The following CNTNAP2 variants were observed in gnomAD, a reference collection of about 807,000 sequenced individuals.
CNTNAP2 encodes the protein contactin-associated protein-like 2.
CNTNAP2 carries 98 observed loss-of-function variants against 155.2 expected under a neutral mutation model. The ratio of observed to expected loss-of-function variants is 0.63; its 90% CI spans 0.54 to 0.75. CNTNAP2 has a LOEUF of 0.75. CNTNAP2 is among the 30% of genes least tolerant of loss of function. CNTNAP2 has a pLI of 0.00. For synonymous variants in CNTNAP2, 651 were observed against 631.2 expected, an observed-to-expected ratio of 1.03 and a Z score of -0.47; for missense variants, 1,727 against 1,688.1, an observed-to-expected ratio of 1.02 and a Z score of -0.40.
At chr7:146,169,118 G>T (rs541359601) in intron 1 of CNTNAP2, among the ~76,000 whole-genome samples, 2 of 152,030 alleles carry the variant, frequency 1.3e-5, no homozygotes, top group African/African-American at 4.8e-5. Context: ...CACTTTCTAC[G>T]CTCTGTTCAA....
Position 147,618,165 on chromosome 7 carries a change from C to T in CNTNAP2, c.1898-20941C>T, listed in dbSNP as rs184706834. ...TTTATTAAGCAAGCCAAGGCTTATA[C>T]GCAATATAAAAGATCTTAAGAATAT... is the stretch of plus-strand genomic sequence containing the variant. On this transcript the variant is annotated intron_variant, in intron 12 of 23. Coordinates refer to ENST00000361727, the MANE Select transcript of CNTNAP2 (RefSeq NM_014141.6). Among the ~76,000 whole-genome samples the T allele has an allele frequency of 3.3e-3, 502 of 152,176 alleles. 3 individuals carry two copies. Among genetic ancestry groups the T allele is most frequent in the African/African-American group, 0.011 (466 of 41,524 alleles).
intron 3 of CNTNAP2, among the ~76,000 whole-genome samples, chr7:147,034,605 G>T (rs909527183): frequency 1.3e-5 from 2 of 152,104 alleles, no homozygotes; most frequent in Non-Finnish European, 2.9e-5. Flanking sequence ...TTCTTGCCTT[G>T]GTGTATCAGA....
chr7:147,176,106 T>C (rs1423244968), intron 8 of CNTNAP2, among the ~76,000 whole-genome samples: 4 of 152,200 alleles, frequency 2.6e-5, no homozygotes, highest in Non-Finnish European at 2.9e-5. Flanking sequence ...TGGCTAGACC[T>C]GAAAGGAGCC....
chr7:148,316,049 T>C (rs141996328), intron 21 of CNTNAP2, among the ~76,000 whole-genome samples: 1 of 152,024 alleles, frequency 6.6e-6, no homozygotes, highest in Non-Finnish European at 1.5e-5. Context: ...GAATATTCAT[T>C]GTTAGGGAAG....
At chr7:146,661,374 G>T (rs1311645108) in intron 1 of CNTNAP2, among the ~76,000 whole-genome samples, 1 of 151,778 alleles carries the variant, frequency 6.6e-6, no homozygotes, top group African/African-American at 2.4e-5. Context: ...TTTGGCAAAG[G>T]TATGCAGTCA....
chr7:146,815,541 CAT>C (rs1346538553), intron 2 of CNTNAP2, among the ~76,000 whole-genome samples: 1 of 152,020 alleles, frequency 6.6e-6, no homozygotes, highest in Non-Finnish European at 1.5e-5. Flanking sequence ...TTCATAGACA[CAT>C]ACACATATGT....
At chr7:147,471,525 G>A (rs1798215137) in intron 10 of CNTNAP2, among the ~76,000 whole-genome samples, 1 of 152,232 alleles carries the variant, frequency 6.6e-6, no homozygotes. Context: ...CATGTTCTTA[G>A]CAGATGTATG....
chr7:146,984,333 A>G (rs1295962799), intron 3 of CNTNAP2, among the ~76,000 whole-genome samples: 1 of 149,672 alleles, frequency 6.7e-6, no homozygotes, highest in Non-Finnish European at 1.5e-5. Flanking sequence ...TGCCACTGCA[A>G]TCCAGCCTGG....
chr7:148,075,802 A>T (rs1446786261), intron 15 of CNTNAP2, among the ~76,000 whole-genome samples: 2 of 152,218 alleles, frequency 1.3e-5, no homozygotes, highest in African/African-American at 4.8e-5. Context: ...TGATTTTATG[A>T]CCTGGCTATA....
At chr7:146,691,707 G>A (rs1434807752) in intron 1 of CNTNAP2, among the ~76,000 whole-genome samples, 1 of 151,970 alleles carries the variant, frequency 6.6e-6, no homozygotes, top group Non-Finnish European at 1.5e-5. Context: ...TTAGAGCCAG[G>A]TTCGTAATTC....
chr7:146,317,943 A>C (rs780490611), intron 1 of CNTNAP2, among the ~76,000 whole-genome samples: 5 of 152,124 alleles, frequency 3.3e-5, no homozygotes, highest in Non-Finnish European at 7.4e-5. Flanking sequence ...AGATCGAGAC[A>C]ATCCTGGCTA....
At chr7:147,040,010 A>G (rs1799227986) in intron 3 of CNTNAP2, among the ~76,000 whole-genome samples, 1 of 152,214 alleles carries the variant, frequency 6.6e-6, no homozygotes, top group Non-Finnish European at 1.5e-5. Flanking sequence ...TCAACAGAGT[A>G]TAACAGACAA....
chr7:147,542,578 A>G (rs564226080), intron 11 of CNTNAP2, among the ~76,000 whole-genome samples: 89 of 152,314 alleles, frequency 5.8e-4, no homozygotes, highest in African/African-American at 2.0e-3. Flanking sequence ...ACATAGTCAT[A>G]TGCTTATGTT....
chr7:146,532,350 G>A (rs1164905811), intron 1 of CNTNAP2, among the ~76,000 whole-genome samples: 1 of 152,128 alleles, frequency 6.6e-6, no homozygotes, highest in African/African-American at 2.4e-5. Flanking sequence ...AAAGTGTGTT[G>A]ATGGGGGATG....
chr7:147,206,494 C>T (rs1803026581), intron 8 of CNTNAP2, among the ~76,000 whole-genome samples: 1 of 151,968 alleles, frequency 6.6e-6, no homozygotes, highest in Non-Finnish European at 1.5e-5. Flanking sequence ...ACCTGGGCAG[C>T]GGAGGTTGCA....
At chr7:147,396,659 G>T (rs1276541787) in intron 10 of CNTNAP2, among the ~76,000 whole-genome samples, 2 of 151,852 alleles carry the variant, frequency 1.3e-5, no homozygotes, top group Non-Finnish European at 2.9e-5. Context: ...TCTAGATAGG[G>T]CCTGTCATTC....
intron 3 of CNTNAP2, among the ~76,000 whole-genome samples, chr7:146,973,225 A>G (rs554098265): frequency 6.6e-6 from 1 of 152,146 alleles, no homozygotes; most frequent in African/African-American, 2.4e-5. Context: ...ACAGGGTTTC[A>G]CCATGTTGAC....
rs553027340 is a variant in CNTNAP2, at chr7:147,828,593, C to T, written c.2099-74972C>T. Among the ~76,000 whole-genome samples, 128 of 152,264 alleles carry T rather than the reference C, an allele frequency of 8.4e-4. 2 individuals carry two copies. The highest frequency in any genetic ancestry group is 3.1e-3 in the African/African-American group (127 of 41,568). ...AATAAAGGCAAAGTGCCTCTGACAACATCTGGCATCTAATAAGCACCAGCA... is the reference window on the plus strand; with the variant it reads ...AATAAAGGCAAAGTGCCTCTGACAATATCTGGCATCTAATAAGCACCAGCA... On this transcript the variant is annotated intron_variant, in intron 13 of 23. Coordinates refer to ENST00000361727, the MANE Select transcript of CNTNAP2 (RefSeq NM_014141.6).
chr7:147,151,416 A>T (rs545931629), intron 8 of CNTNAP2, among the ~76,000 whole-genome samples: 1 of 152,318 alleles, frequency 6.6e-6, no homozygotes, highest in South Asian at 2.1e-4. Flanking sequence ...TAGTAAAGTC[A>T]CATATATCTA....
Sources: gnomAD v4.1 joint callset for allele counts (sites outside exome capture counted in the v4.1 genomes callset) on GRCh38, gnomAD v4.1.1 for gene constraint, MANE v1.5 for transcripts, NCBI Gene and HGNC (gene_info 2026-07-23, HGNC 2026-07-21) for gene names.